The following METTL9 variants were observed in gnomAD, a reference collection of about 807,000 sequenced individuals.
The protein encoded by METTL9 is methyltransferase 9, His-X-His N1(pi)-histidine.
In METTL9, 10 loss-of-function variants were observed where a neutral mutation model predicts 36.0. That is an observed-to-expected ratio of 0.28 (90% CI 0.17 to 0.47). METTL9 has a LOEUF of 0.47. Among genes scored for constraint, METTL9 ranks in the 20% least tolerant of loss-of-function variants. The probability of loss-of-function intolerance (pLI) is 0.99; values close to 1 mark genes in which losing one functional copy is unlikely to be tolerated. For missense variants in METTL9, 246 were observed against 383.5 expected (o/e 0.64, Z 3.00); for synonymous variants, 175 against 149.7 (o/e 1.17, Z -1.23).
intron 1 of METTL9, among the ~76,000 whole-genome samples, chr16:21,603,857 G>A (rs577756135): frequency 1.3e-5 from 2 of 152,194 alleles, no homozygotes; most frequent in Non-Finnish European, 2.9e-5. Flanking sequence ...AAAATTGCAA[G>A]TATGTGTATA....
At chr16:21,622,249 A>T (rs749724896) in intron 3 of METTL9, among the ~76,000 whole-genome samples, 25 of 148,394 alleles carry the variant, frequency 1.7e-4, no homozygotes, top group Non-Finnish European at 3.0e-4. Context: ...TGTTCAAGCC[A>T]TCCTCCTGCC....
chr16:21,601,900 A>G (rs1298017322), intron 1 of METTL9, among the ~76,000 whole-genome samples: 1 of 152,192 alleles, frequency 6.6e-6, no homozygotes, highest in East Asian at 1.9e-4. Flanking sequence ...GAATACATTC[A>G]TATTATGAAA....
chr16:21,617,253 C>G (rs1965575746), intron 2 of METTL9, among the ~76,000 whole-genome samples: 1 of 151,400 alleles, frequency 6.6e-6, no homozygotes, highest in Admixed American at 6.6e-5. Context: ...CCCTTCTCTA[C>G]TAAAAATCCA....
upstream of METTL9, among the ~76,000 whole-genome samples, chr16:21,597,687 C>T (rs1366762642): frequency 6.6e-6 from 1 of 152,184 alleles, no homozygotes; most frequent in Non-Finnish European, 1.5e-5. Flanking sequence ...TGCACTCCTG[C>T]TGCTTTCACC....
At chr16:21,609,537 T>A (rs909786046) in intron 1 of METTL9, among the ~76,000 whole-genome samples, 5 of 152,104 alleles carry the variant, frequency 3.3e-5, no homozygotes, top group African/African-American at 1.2e-4. Flanking sequence ...AAAGAAAATA[T>A]ACCTAGGAAA....
At chr16:21,634,761 A>C (rs1008698560) in intron 4 of METTL9, among the ~76,000 whole-genome samples, 1 of 152,130 alleles carries the variant, frequency 6.6e-6, no homozygotes, top group African/African-American at 2.4e-5. Flanking sequence ...GATTTGGGCG[A>C]CGGGAGTATA....
At chr16:21,602,068 G>A (rs1265904611) in intron 1 of METTL9, among the ~76,000 whole-genome samples, 1 of 151,984 alleles carries the variant, frequency 6.6e-6, no homozygotes, top group Non-Finnish European at 1.5e-5. Context: ...TTATAACTTC[G>A]TTGCTTGTGA....
intron 1 of METTL9, among the ~76,000 whole-genome samples, chr16:21,608,548 A>G (rs548751802): frequency 1.6e-4 from 24 of 152,264 alleles, no homozygotes; most frequent in African/African-American, 5.1e-4. Context: ...GAGTCAGTAC[A>G]GTGACATTTT....
At chr16:21,597,278 G>A, upstream of METTL9, 1 of 1,289,044 alleles carries the variant, frequency 7.8e-7, no homozygotes, top group Non-Finnish European at 1.0e-6. Flanking sequence ...ACCACGAGCT[G>A]GGATACCAAG....
intron 4 of METTL9, chr16:21,654,493 C>G (rs554734839): frequency 5.2e-5 from 8 of 152,468 alleles, no homozygotes; most frequent in Admixed American, 4.6e-4. Flanking sequence ...AGGACCTTCC[C>G]TAGTCCCCTT....
chr16:21,599,464 A>C, upstream of METTL9: 2 of 1,159,970 alleles, frequency 1.7e-6, no homozygotes, highest in Non-Finnish European at 2.1e-6. The surrounding 1 kb of genome is among the most constrained non-coding windows in gnomAD (Gnocchi z 4.4). Context: ...GCGCCGGGGG[A>C]GAAAGCGACG....
intron 1 of METTL9, 48 bp from the exon 2 acceptor site, chr16:21,612,597 T>G (rs1965450381): frequency 6.9e-7 from 1 of 1,443,316 alleles, no homozygotes; most frequent in Admixed American, 2.7e-5. Context: ...TAGGTGACAC[T>G]TCGGTTGTGT....
intron 4 of METTL9, among the ~76,000 whole-genome samples, chr16:21,629,561 G>T (rs754010602): frequency 1.3e-5 from 2 of 152,064 alleles, no homozygotes; most frequent in Non-Finnish European, 2.9e-5. Flanking sequence ...CCTGTCTGGA[G>T]GTGTTAGTTC....
chr16:21,627,034 T>C (rs1304031779), intron 4 of METTL9: 13 of 985,308 alleles, frequency 1.3e-5, no homozygotes, highest in Admixed American at 6.1e-5. Flanking sequence ...CTGTTGAGTC[T>C]GAGGAGTCTG....
intron 4 of METTL9, chr16:21,641,725 C>T (rs891371665): frequency 2.1e-6 from 1 of 485,566 alleles, no homozygotes; most frequent in Non-Finnish European, 3.7e-6. Context: ...ATCTTAAAGG[C>T]CAGATTACCG....
At chr16:21,636,892 G>A (rs116934815) in intron 4 of METTL9, among the ~76,000 whole-genome samples, 1 of 152,266 alleles carries the variant, frequency 6.6e-6, no homozygotes, top group Non-Finnish European at 1.5e-5. Context: ...ACCGCTTGGC[G>A]ATAGGCGATA....
At chr16:21,601,759 G>A (rs1965136267) in intron 1 of METTL9, among the ~76,000 whole-genome samples, 1 of 125,400 alleles carries the variant, frequency 8.0e-6, no homozygotes, top group Admixed American at 8.6e-5. Flanking sequence ...GTGTGTGTGT[G>A]TGTACCCCTT....
At chr16:21,626,881 G>A in intron 4 of METTL9, 2 of 887,518 alleles carry the variant, frequency 2.3e-6, no homozygotes, top group South Asian at 5.2e-5. Context: ...GAAAGAGCAG[G>A]GGGAAGAAAC....
chr16:21,636,983 G>A, intron 4 of METTL9, among the ~76,000 whole-genome samples: 1 of 152,258 alleles, frequency 6.6e-6, no homozygotes, highest in Middle Eastern at 3.4e-3. Flanking sequence ...TGGTCTCGCT[G>A]ACTTCAGGAG....
Sources: allele counts gnomAD v4.1 joint callset (sites outside exome capture counted in the v4.1 genomes callset), GRCh38; gene constraint gnomAD v4.1.1; non-coding constraint Gnocchi (gnomAD v3.1); transcripts MANE v1.5; gene names NCBI Gene and HGNC (gene_info 2026-07-23, HGNC 2026-07-21).